PIEZO2: variants seen among roughly 807,000 people sequenced by gnomAD.
PIEZO2 encodes piezo type mechanosensitive ion channel component 2, also known as piezo-type mechanosensitive ion channel component 2.
A neutral mutation model predicts 337.3 loss-of-function variants in PIEZO2; 172 were observed. That is an observed-to-expected ratio of 0.51 (90% CI 0.45 to 0.58). The LOEUF is 0.58. Ranked by LOEUF, PIEZO2 falls within the 20% of genes least tolerant of loss-of-function variation. The probability of loss-of-function intolerance (pLI) is 0.00; values close to 1 mark genes in which losing one functional copy is unlikely to be tolerated. For synonymous variants in PIEZO2, 1,251 were observed against 1,228.5 expected (o/e 1.02, Z -0.38); for missense variants, 3,028 against 3,391.3 (o/e 0.89, Z 2.66).
At chr18:10,992,073 T>C (rs912554778) in intron 2 of PIEZO2, among the ~76,000 whole-genome samples, 1 of 152,038 alleles carries the variant, frequency 6.6e-6, no homozygotes, top group African/African-American at 2.4e-5. Flanking sequence ...TTTTTGATGG[T>C]GTTGTTTGTT....
At chr18:10,762,205 A>G (rs1327993872) in intron 23 of PIEZO2, among the ~76,000 whole-genome samples, 1 of 152,242 alleles carries the variant, frequency 6.6e-6, no homozygotes, top group East Asian at 1.9e-4. Context: ...ACATGCTTCA[A>G]TTCTAATGCA....
rs958559069 is a variant in PIEZO2, at chr18:10,872,133, T to C, written c.330-718A>G. Among the ~76,000 whole-genome samples the C allele has an allele frequency of 2.6e-5, 4 of 152,206 alleles. No homozygotes were observed. Among genetic ancestry groups the C allele is most frequent in the African/African-American group, 7.2e-5 (3 of 41,452 alleles). On this transcript the variant is annotated intron_variant, in intron 4 of 55. Transcript: ENST00000674853. This position sits in a 1 kb window ranked among gnomAD's most constrained non-coding sequence, Gnocchi z 4.3. ...TTTTAGAAGAAAATATAAATACATATACATGAAATAATGTTCGTGAAAGTT... is the reference window on the plus strand; with the variant it reads ...TTTTAGAAGAAAATATAAATACATACACATGAAATAATGTTCGTGAAAGTT...
rs777349822 is a variant in PIEZO2 at position 10,752,655 on chromosome 18, G to A, written c.4148C>T (p.Thr1383Met). ...ACTTACTGACAGGATATTTTTCATC[G>A]TAATCACAAAAACGTTGTATGCGAT... ...WLIAYNVFVI[T>M]MKNILSIGAC... Residue 1383 changes from threonine to methionine, a missense_variant, in exon 28 of 56, where the codon ACG (threonine) becomes ATG (methionine). Around this residue, in one of 5 missense-constraint regions of PIEZO2, gnomAD observed 1,925 missense variants for 2,051.9 expected, o/e 0.94. Transcript: ENST00000674853. 1.7e-5 allele frequency: 26 copies of A among 1,537,032 alleles called. No individual in the cohort carries two copies. The highest frequency in any genetic ancestry group is 7.3e-5 in the East Asian group (3 of 40,936).
Position 10,969,477 on chromosome 18 carries a change from C to A in PIEZO2, c.286+10058G>T, listed in dbSNP as rs1306550134. Among the ~76,000 whole-genome samples the A allele has an allele frequency of 6.6e-6, 1 of 152,160 alleles. No individual in the cohort carries two copies. Among genetic ancestry groups the A allele is most frequent in the Non-Finnish European group, 1.5e-5 (1 of 68,024 alleles). On this transcript the variant is annotated intron_variant, in intron 3 of 55. Coordinates refer to ENST00000674853, the MANE Select transcript of PIEZO2 (RefSeq NM_001378183.1). The surrounding 1 kb of genome is among the most constrained non-coding windows in gnomAD (Gnocchi z 4.5). ...TTATTGAGACCTCCTTGTTAAAGCACAGTCCCACACCTCCTTTTCTTCTCT... is the reference window on the plus strand; with the variant it reads ...TTATTGAGACCTCCTTGTTAAAGCAAAGTCCCACACCTCCTTTTCTTCTCT...
At chr18:11,045,914 AT>A (rs2037295408) in intron 2 of PIEZO2, among the ~76,000 whole-genome samples, 1 of 152,118 alleles carries the variant, frequency 6.6e-6, no homozygotes, top group South Asian at 2.1e-4. Flanking sequence ...CCCACACTCT[AT>A]CTAGTCCCAC....
chr18:10,675,900 C>T (rs184476889), intron 53 of PIEZO2, among the ~76,000 whole-genome samples: 1 of 152,148 alleles, frequency 6.6e-6, no homozygotes, highest in African/African-American at 2.4e-5. Context: ...TTGCCCACCG[C>T]CATGTAAGAT....
At chr18:10,900,238 T>G (rs576965857) in intron 4 of PIEZO2, among the ~76,000 whole-genome samples, 5 of 151,812 alleles carry the variant, frequency 3.3e-5, no homozygotes, top group Admixed American at 6.6e-5. Context: ...CATACACATG[T>G]ATATATATTA....
In PIEZO2 at chr18:10,691,768, A is replaced by AACACACACACACACACACACAC. The variant is rs1339141004; in HGVS notation, c.7191-386_7191-385insGTGTGTGTGTGTGTGTGTGTGT. On this transcript the variant is annotated intron_variant, in intron 47 of 55. Coordinates refer to ENST00000674853, the MANE Select transcript of PIEZO2 (RefSeq NM_001378183.1). ...ATATGATATATTAAAAATATATATA[A>AACACACACACACACACACACAC]ACACACACACACACATATATATATA... Among the ~76,000 whole-genome samples the AACACACACACACACACACACAC allele has an allele frequency of 2.3e-4, 17 of 75,074 alleles. 3 individuals are homozygous for AACACACACACACACACACACAC. The highest frequency in any genetic ancestry group is 5.8e-4 in the South Asian group (1 of 1,716). The allele number at this position is 75,074 out of a possible 152,430, so 49.3% of individuals were successfully genotyped here.
At chr18:10,822,320 C>T (rs1322044089) in intron 7 of PIEZO2, among the ~76,000 whole-genome samples, 1 of 151,694 alleles carries the variant, frequency 6.6e-6, no homozygotes, top group Non-Finnish European at 1.5e-5. Context: ...TTTTCTACAG[C>T]TTTATATTGG....
At chr18:10,906,441 A>G (rs918085144) in intron 4 of PIEZO2, among the ~76,000 whole-genome samples, 2 of 152,340 alleles carry the variant, frequency 1.3e-5, no homozygotes, top group East Asian at 3.9e-4. Flanking sequence ...TCTGCTGGCA[A>G]ATTAATATAC....
intron 2 of PIEZO2, among the ~76,000 whole-genome samples, chr18:10,987,467 G>T (rs2034919269): frequency 6.6e-6 from 1 of 152,066 alleles, no homozygotes. Context: ...GGAATGGATA[G>T]TCTCTTCAAT....
Position 10,847,497 on chromosome 18 carries a change from G to A in PIEZO2, c.917+7856C>T, listed in dbSNP as rs1376116522. Among the ~76,000 whole-genome samples, 2 of 152,176 alleles carry A rather than the reference G, an allele frequency of 1.3e-5. No homozygotes were observed. The highest frequency in any genetic ancestry group is 2.9e-5 in the Non-Finnish European group (2 of 68,034). On this transcript the variant is annotated intron_variant, in intron 7 of 55. Coordinates refer to ENST00000674853, the MANE Select transcript of PIEZO2 (RefSeq NM_001378183.1). This position sits in a 1 kb window ranked among gnomAD's most constrained non-coding sequence, Gnocchi z 5.7. The stretch of plus-strand genomic sequence containing the variant: ...ATAAACACGCAGTGCAAAGGCCCGT[G>A]GGCTCGGCGAGAAGCCACAGTTGCT...
intron 2 of PIEZO2, among the ~76,000 whole-genome samples, chr18:11,013,218 A>G (rs972284300): frequency 5.9e-5 from 9 of 152,330 alleles, no homozygotes; most frequent in South Asian, 2.1e-4. Flanking sequence ...AGCAGGCCCA[A>G]TGAAATCTCA....
Position 10,948,337 on chromosome 18 carries a change from A to G in PIEZO2, c.286+31198T>C, listed in dbSNP as rs190181675. On this transcript the variant is annotated intron_variant, in intron 3 of 55. Transcript: ENST00000674853. ...ATTTATCAAAGCTTCTTTACGAGATAAAATTAATTTTGTTGACTTAGAAGA... is the reference window on the plus strand; with the variant it reads ...ATTTATCAAAGCTTCTTTACGAGATGAAATTAATTTTGTTGACTTAGAAGA... 1.5e-3 allele frequency among the ~76,000 whole-genome samples: 223 copies of G among 152,314 alleles called. 1 individual carries two copies. The highest frequency in any genetic ancestry group is 2.4e-3 in the Non-Finnish European group (160 of 68,020).
intron 1 of PIEZO2, among the ~76,000 whole-genome samples, chr18:11,124,882 C>T (rs1320245986): frequency 1.3e-5 from 2 of 152,118 alleles, no homozygotes; most frequent in Non-Finnish European, 2.9e-5. Flanking sequence ...ATGGAGAAAA[C>T]AGATTGAAAG....
intron 3 of PIEZO2, among the ~76,000 whole-genome samples, chr18:10,972,302 T>C (rs555439637): frequency 1.3e-5 from 2 of 152,268 alleles, no homozygotes; most frequent in African/African-American, 4.8e-5. Flanking sequence ...AGTTCTACAA[T>C]GTAGGAAAGG....
At position 10,775,663 on chromosome 18, in the gene PIEZO2, A is replaced by T. The variant is rs1448643254; in HGVS notation, c.2535-1625T>A. Among the ~76,000 whole-genome samples, 1 of 152,256 alleles carries T rather than the reference A, an allele frequency of 6.6e-6. No homozygotes were observed. Among genetic ancestry groups the T allele is most frequent in the Non-Finnish European group, 1.5e-5 (1 of 68,042 alleles). On this transcript the variant is annotated intron_variant, in intron 18 of 55. Transcript: ENST00000674853. This position sits in a 1 kb window ranked among gnomAD's most constrained non-coding sequence, Gnocchi z 4.3. The stretch of plus-strand genomic sequence containing the variant: ...TAAGCAACGATGCCCCCAAACTGCC[A>T]TGCCACAGGCAGGGTGCATTGAGGA...
chr18:11,141,714 C>A (rs976544014), intron 1 of PIEZO2, among the ~76,000 whole-genome samples: 16 of 152,066 alleles, frequency 1.1e-4, no homozygotes, highest in African/African-American at 3.9e-4. Context: ...CCAGAGAAGG[C>A]CCCGGGGAGA....
At chr18:11,093,655 C>T (rs1157405976) in intron 1 of PIEZO2, among the ~76,000 whole-genome samples, 5 of 142,494 alleles carry the variant, frequency 3.5e-5, no homozygotes, top group African/African-American at 5.2e-5. Context: ...GGCGCAATCT[C>T]GGCTCACTGC....
Sources: gnomAD v4.1 joint callset for allele counts (sites outside exome capture counted in the v4.1 genomes callset) on GRCh38, gnomAD v4.1.1 for gene constraint, gnomAD v4.1.1 regional missense constraint, Gnocchi (gnomAD v3.1) non-coding constraint, MANE v1.5 for transcripts, NCBI Gene and HGNC (gene_info 2026-07-23, HGNC 2026-07-21) for gene names.